The following TUBB8 variants were observed in gnomAD, a reference collection of about 807,000 sequenced individuals.
The protein encoded by TUBB8 is tubulin beta 8 class VIII, also known as tubulin beta-8 chain.
Under a neutral mutation model 33.7 loss-of-function variants are expected in TUBB8, and 25 were observed. The ratio of observed to expected loss-of-function variants is 0.74; its 90% CI spans 0.54 to 1.04. The LOEUF (loss-of-function observed/expected upper bound fraction) is 1.04, where lower values mean the gene tolerates loss of function less well. TUBB8 is among the 50% of genes least tolerant of loss of function. The pLI is 0.00. For missense variants in TUBB8, 279 were observed against 608.0 expected (o/e 0.46, Z 5.69); for synonymous variants, 245 against 240.1 (o/e 1.02, Z -0.19).
upstream of TUBB8, chr10:49,457 G>C: frequency 1.5e-6 from 1 of 679,656 alleles, no homozygotes; most frequent in Non-Finnish European, 2.7e-6. Flanking sequence ...AGGTGTCCTT[G>C]CGTGGTCCTT....
intron 1 of TUBB8, among the ~76,000 whole-genome samples, chr10:73,693 C>T (rs1219950169): frequency 6.6e-6 from 1 of 151,842 alleles, no homozygotes; most frequent in Admixed American, 6.6e-5. Flanking sequence ...GCGCCCGTTT[C>T]CTCGACCTCA....
At chr10:73,422 C>T (rs539538158) in intron 1 of TUBB8, among the ~76,000 whole-genome samples, 229 of 152,312 alleles carry the variant, frequency 1.5e-3, no homozygotes, top group African/African-American at 5.1e-3. Context: ...GGGTGAATCA[C>T]CTGATGAGGT....
chr10:64,408 CAACCCTAACCCTT>C (rs558683108), intron 1 of TUBB8, among the ~76,000 whole-genome samples: 458 of 151,972 alleles, frequency 3.0e-3, no homozygotes, highest in Non-Finnish European at 5.3e-3. Flanking sequence ...CCACTGACCC[CAACCCTAACCCTT>C]AACCCTAACC....
At chr10:73,470 C>A (rs1301440026) in intron 1 of TUBB8, among the ~76,000 whole-genome samples, 29 of 152,314 alleles carry the variant, frequency 1.9e-4, no homozygotes, top group African/African-American at 7.0e-4. Context: ...ATGGAGAAAC[C>A]CCGTCTCTAC....
intron 1 of TUBB8, 99 bp from the exon 2 acceptor site, chr10:49,011 G>A (rs1210201573): frequency 1.0e-5 from 12 of 1,163,400 alleles, no homozygotes; most frequent in East Asian, 2.7e-5. Flanking sequence ...CCATCCCTAG[G>A]CCGCCCTGTC....
chr10:54,249 GT>G (rs1834503232), upstream of TUBB8, among the ~76,000 whole-genome samples: 1 of 151,080 alleles, frequency 6.6e-6, no homozygotes, highest in Non-Finnish European at 1.5e-5. Context: ...GACATCAATT[GT>G]TTTGAATTTT....
intron 1 of TUBB8, among the ~76,000 whole-genome samples, chr10:66,678 T>A (rs370755161): frequency 0.14 from 15,372 of 113,346 alleles, no homozygotes; most frequent in African/African-American, 0.27. Context: ...ATTACATTTT[T>A]AAAAATCAAC....
At chr10:71,544 C>T (rs1214119544) in intron 1 of TUBB8, among the ~76,000 whole-genome samples, 5 of 151,746 alleles carry the variant, frequency 3.3e-5, no homozygotes, top group African/African-American at 4.8e-5. Flanking sequence ...TCATGTGAAC[C>T]CAGGAGTCAG....
rs1554738128 is a variant in TUBB8 at position 47,484 on chromosome 10, C to T, written c.908G>A (p.Cys303Tyr). ...MFDAKNMMAA[C>Y]DPRHGRYLTA... ...TAGGTAGCGGCCGTGACGGGGGTCACAGGCAGCCATCATGTTCTTAGCATC... is the reference window on the plus strand; with the variant it reads ...TAGGTAGCGGCCGTGACGGGGGTCATAGGCAGCCATCATGTTCTTAGCATC... The change falls in exon 4 of 4, where the codon TGT (cysteine) becomes TAT (tyrosine). Residue 303 changes from cysteine (C) to tyrosine (Y), a missense_variant. Physicochemically the swap from Cys to Tyr is radical, Grantham distance 194. Coordinates refer to ENST00000568584, the MANE Select transcript of TUBB8 (RefSeq NM_177987.3). 1 of 1,612,292 alleles carries T rather than the reference C, an allele frequency of 6.2e-7. No homozygotes were observed. Among genetic ancestry groups the T allele is most frequent in the African/African-American group, 1.3e-5 (1 of 75,034 alleles).
At chr10:71,925 C>A (rs1316217624) in intron 1 of TUBB8, among the ~76,000 whole-genome samples, 5 of 147,394 alleles carry the variant, frequency 3.4e-5, no homozygotes, top group Middle Eastern at 4.0e-3. Flanking sequence ...AAAAAAAAAT[C>A]AATCAATAAA....
Position 70,389 on chromosome 10 carries a change from C to T in TUBB8, c.-846+3580G>A, listed in dbSNP as rs35837839. Among the ~76,000 whole-genome samples, 14 of 152,020 alleles carry T rather than the reference C, an allele frequency of 9.2e-5. No homozygotes were observed. In the East Asian group the frequency reaches 2.3e-3, roughly 25 times the overall value. On this transcript the variant is annotated intron_variant, in intron 1 of 3. Coordinates refer to the TUBB8 transcript ENST00000564130. ...TGCTGGTGTGCTGCACCCATTAACT[C>T]GTCATTGAGCATTAGGTATATCTCC...
At chr10:65,694 C>T (rs1432900145) in intron 1 of TUBB8, among the ~76,000 whole-genome samples, 1 of 152,134 alleles carries the variant, frequency 6.6e-6, no homozygotes, top group Non-Finnish European at 1.5e-5. Flanking sequence ...CACTGCACTC[C>T]AGCATGGGCG....
At chr10:49,724 T>A, upstream of TUBB8, 1 of 378,396 alleles carries the variant, frequency 2.6e-6, no homozygotes, top group Non-Finnish European at 5.2e-6. Context: ...AATTATACGT[T>A]TTACTTTGGA....
At chr10:67,278 T>C (rs1289446228) in intron 1 of TUBB8, among the ~76,000 whole-genome samples, 1 of 152,230 alleles carries the variant, frequency 6.6e-6, no homozygotes, top group Non-Finnish European at 1.5e-5. Flanking sequence ...ACAAAGAATC[T>C]GTAGATGGCT....
At chr10:69,053 TC>T (rs1271622834) in intron 1 of TUBB8, among the ~76,000 whole-genome samples, 29 of 152,112 alleles carry the variant, frequency 1.9e-4, no homozygotes, top group African/African-American at 6.8e-4. Flanking sequence ...AAGAGCACAA[TC>T]CCCCTGCCCG....
intron 1 of TUBB8, 124 bp from the exon 2 acceptor site, chr10:49,036 C>A: frequency 7.9e-7 from 1 of 1,260,748 alleles, no homozygotes; most frequent in Non-Finnish European, 1.1e-6. Context: ...GGGTCCACCC[C>A]GGCCGCCTCG....
Position 47,186 on chromosome 10 carries a change from G to A in TUBB8, c.1206C>T (p.Gly402=), listed in dbSNP as rs781835855. Residue 402 remains glycine, a synonymous_variant, in exon 4 of 4, where the codon GGC becomes GGT. Coordinates refer to ENST00000568584, the MANE Select transcript of TUBB8 (RefSeq NM_177987.3). ...CCTCGGTGAATTCCATCTCATCCAT[G>A]CCCTCGCCCGTGTACCAGTGGAGGA... ...KAFLHWYTGE[G]MDEMEFTEAE... The A allele has an allele frequency of 5.0e-6, 8 of 1,609,838 alleles. No homozygotes were observed. Among genetic ancestry groups the A allele is most frequent in the Admixed American group, 1.7e-5 (1 of 59,920 alleles).
At chr10:72,184 CAT>C (rs1834745588) in intron 1 of TUBB8, among the ~76,000 whole-genome samples, 2 of 141,182 alleles carry the variant, frequency 1.4e-5, no homozygotes, top group African/African-American at 5.2e-5. Flanking sequence ...AAGATCGGGA[CAT>C]TGCACTTTAG....
chr10:53,109 A>C (rs1554739808), upstream of TUBB8, among the ~76,000 whole-genome samples: 1 of 151,950 alleles, frequency 6.6e-6, no homozygotes, highest in Non-Finnish European at 1.5e-5. Context: ...TTTTGTTTGA[A>C]ACATGAGATT....
Sources: allele counts gnomAD v4.1 joint callset (sites outside exome capture counted in the v4.1 genomes callset), GRCh38; gene constraint gnomAD v4.1.1; transcripts MANE v1.5; gene names NCBI Gene and HGNC (gene_info 2026-07-23, HGNC 2026-07-21).